Variants in RSF1 observed in about 807,000 individuals in gnomAD.
RSF1 encodes HBV pX-associated protein 8.
RSF1 carries 13 observed loss-of-function variants against 145.2 expected under a neutral mutation model. The observed-to-expected ratio is 0.09, with a 90% CI of 0.06 to 0.14. RSF1 has a LOEUF of 0.14. Ranked by LOEUF, RSF1 falls within the 10% of genes least tolerant of loss-of-function variation. RSF1 has a pLI of 1.00. For synonymous variants in RSF1, 577 were observed against 592.6 expected (o/e 0.97, Z 0.38); for missense variants, 1,517 against 1,718.2 (o/e 0.88, Z 2.07).
chr11:77,861,791 CT>C, the RSF1 span, among the ~76,000 whole-genome samples: 8 of 152,042 alleles, frequency 5.3e-5, no homozygotes, highest in East Asian at 1.4e-3. Flanking sequence ...AAGCGGTGGC[CT>C]TTTTTTTATC....
chr11:77,679,075 C>CT (rs2135821637), intron 11 of RSF1, among the ~76,000 whole-genome samples: 1 of 152,274 alleles, frequency 6.6e-6, no homozygotes, highest in Non-Finnish European at 1.5e-5. Flanking sequence ...CTACTCAACT[C>CT]TGCTATTGTA....
the RSF1 span, among the ~76,000 whole-genome samples, chr11:77,855,846 T>C: frequency 6.7e-6 from 1 of 148,294 alleles, no homozygotes; most frequent in Non-Finnish European, 1.5e-5. Flanking sequence ...ATCCCTGTAA[T>C]CCCAGCACTT....
At chr11:77,872,126 C>T in the RSF1 span, 2 of 1,581,458 alleles carry the variant, frequency 1.3e-6, no homozygotes, top group Non-Finnish European at 8.6e-7. Context: ...TAAAGGAACC[C>T]CTGGGGGGCC....
chr11:77,841,820 A>G, the RSF1 span, among the ~76,000 whole-genome samples: 9 of 152,224 alleles, frequency 5.9e-5, no homozygotes, highest in Admixed American at 5.2e-4. Context: ...AAAAGGCAAC[A>G]TAAGGCAAGC....
rs765232210 is a variant in RSF1 at position 77,667,336 on chromosome 11, T to G, written c.3907A>C (p.Ile1303Leu). The change falls in exon 16 of 16, where the codon ATT (isoleucine) becomes CTT (leucine). Residue 1303 changes from isoleucine (I) to leucine (L), a missense_variant. This residue lies in a region of RSF1 where 240 missense variants were observed against 231.8 expected (regional missense o/e 1.04). Transcript: ENST00000308488. ...CAACTCTCCTCCTCATCCGTCTCAATCCGGTGTAGCCGTTTGCGGGATGGT... is the reference window on the plus strand; with the variant it reads ...CAACTCTCCTCCTCATCCGTCTCAAGCCGGTGTAGCCGTTTGCGGGATGGT... ...GKPSRKRLHR[I>L]ETDEEESCDN... 1.9e-6 allele frequency: 3 copies of G among 1,613,914 alleles called. No homozygotes were observed. Among genetic ancestry groups the G allele is most frequent in the Non-Finnish European group, 1.7e-6 (2 of 1,179,930 alleles).
Position 77,661,467 on chromosome 11 carries a change from T to C in RSF1, c.*5450A>G, listed in dbSNP as rs781657659. 2 of 151,274 alleles carry C rather than the reference T, an allele frequency of 1.3e-5. No individual in the cohort carries two copies. The highest frequency in any genetic ancestry group is 1.9e-4 in the East Asian group (1 of 5,180). 9.4% of individuals were successfully genotyped at this position (151,274 alleles called of 1,614,324 possible). A position where few individuals can be genotyped will look rare whatever the true frequency, so the allele number is the denominator to read the frequency against. On this transcript the variant is annotated 3_prime_UTR_variant, in exon 16 of 16. Transcript: ENST00000308488. Reference sequence around the variant, plus strand: ...TGTGTGTGTGTGTGTGTGTGTGCAATTTTCATGCAGTGACCTTAAAGCTTT... The same window carrying C: ...TGTGTGTGTGTGTGTGTGTGTGCAACTTTCATGCAGTGACCTTAAAGCTTT...
At position 77,700,759 on chromosome 11, in the gene RSF1, T is replaced by C; in HGVS notation, c.2470A>G (p.Lys824Glu). The change falls in exon 6 of 16, where the codon AAA becomes GAA. Residue 824 changes from lysine (K) to glutamate (E), a missense_variant. By Grantham distance (56) the Lys-to-Glu change is moderately conservative. This residue lies in a region of RSF1 where 579 missense variants were observed against 553.5 expected (regional missense o/e 1.05). Coordinates refer to ENST00000308488, the MANE Select transcript of RSF1 (RefSeq NM_016578.4). ...GAATTTGTATCTTTCTCTGATTTTT[T>C]CAAAATTTCCTTTTTGTCAGTTTTT... ...LQKTDKKEIL[K>E]KSEKDTNSKV... is the part of the protein sequence containing the mutation. The C allele has an allele frequency of 6.3e-7, 1 of 1,588,376 alleles. No individual in the cohort carries two copies. The highest frequency in any genetic ancestry group is 8.5e-7 in the Non-Finnish European group (1 of 1,174,726).
intron 5 of RSF1, among the ~76,000 whole-genome samples, chr11:77,722,541 T>C (rs1006187077): frequency 2.0e-5 from 3 of 152,214 alleles, no homozygotes; most frequent in African/African-American, 4.8e-5. Flanking sequence ...TGAGAAGTAC[T>C]ACTCTAGACC....
At chr11:77,813,706 T>G in intron 1 of RSF1, 6 of 432,926 alleles carry the variant, frequency 1.4e-5, no homozygotes, top group Non-Finnish European at 2.2e-5. Context: ...GACCGACTTG[T>G]TCCTCGGCGA....
upstream of RSF1, among the ~76,000 whole-genome samples, chr11:77,822,983 A>C (rs1948989229): frequency 6.6e-6 from 1 of 152,186 alleles, no homozygotes; most frequent in South Asian, 2.1e-4. Flanking sequence ...TGGGAGGTCG[A>C]GACGGGCGGG....
At chr11:77,815,333 A>T (rs776226080) in intron 1 of RSF1, among the ~76,000 whole-genome samples, 1 of 152,254 alleles carries the variant, frequency 6.6e-6, no homozygotes, top group Non-Finnish European at 1.5e-5. Flanking sequence ...TTTAAAAGAA[A>T]ATAGAAAATA....
the RSF1 span, among the ~76,000 whole-genome samples, chr11:77,847,911 A>G: frequency 6.6e-6 from 1 of 152,152 alleles, no homozygotes. Flanking sequence ...CCAGTCCAAG[A>G]GCAGAAGAAA....
intron 15 of RSF1, among the ~76,000 whole-genome samples, chr11:77,667,860 C>T (rs1164568837): frequency 8.6e-5 from 13 of 152,010 alleles, no homozygotes; most frequent in African/African-American, 2.4e-4. Flanking sequence ...CCAGCCACCA[C>T]GCCTGGCTAA....
the RSF1 span, chr11:77,842,585 CA>C: frequency 1.4e-5 from 23 of 1,613,808 alleles, no homozygotes; most frequent in South Asian, 3.3e-5. Flanking sequence ...AAAGTATGGC[CA>C]GGGGGTAGTC....
chr11:77,840,670 A>G, the RSF1 span, among the ~76,000 whole-genome samples: 1 of 152,046 alleles, frequency 6.6e-6, no homozygotes, highest in South Asian at 2.1e-4. Context: ...TGGCCTCCCA[A>G]TGTGCTGGGA....
chr11:77,690,866 C>T (rs1487880407), intron 9 of RSF1: 1 of 381,098 alleles, frequency 2.6e-6, no homozygotes, highest in African/African-American at 2.1e-5. Context: ...AGACAATATA[C>T]AAACAAATGA....
intron 2 of RSF1, among the ~76,000 whole-genome samples, chr11:77,758,559 T>G (rs147641563): frequency 4.1e-4 from 63 of 152,328 alleles, no homozygotes; most frequent in African/African-American, 1.3e-3. Context: ...TATTACACTC[T>G]CACGAAGAAT....
chr11:77,705,072 A>G (rs1400892726), intron 5 of RSF1, among the ~76,000 whole-genome samples: 2 of 152,208 alleles, frequency 1.3e-5, no homozygotes, highest in Non-Finnish European at 2.9e-5. Flanking sequence ...TTTAAGAGAA[A>G]AAAATGACAA....
chr11:77,758,446 T>C (rs1948138212), intron 2 of RSF1, among the ~76,000 whole-genome samples: 1 of 152,196 alleles, frequency 6.6e-6, no homozygotes, highest in Admixed American at 6.5e-5. Context: ...GAGTCCCTGC[T>C]CTGGAGTAAT....
Sources: gnomAD v4.1 joint callset for allele counts (sites outside exome capture counted in the v4.1 genomes callset) on GRCh38, gnomAD v4.1.1 for gene constraint, gnomAD v4.1.1 regional missense constraint, MANE v1.5 for transcripts, NCBI Gene and HGNC (gene_info 2026-07-23, HGNC 2026-07-21) for gene names.